The following ST6GALNAC3 variants were observed in gnomAD, a reference collection of about 807,000 sequenced individuals.
ST6GALNAC3 encodes the protein alpha-N-acetylgalactosaminide alpha-2,6-sialyltransferase 3.
A neutral mutation model predicts 32.7 loss-of-function variants in ST6GALNAC3; 25 were observed. The observed-to-expected ratio is 0.76, with a 90% CI of 0.56 to 1.07. The LOEUF (loss-of-function observed/expected upper bound fraction) is 1.07. Among genes scored for constraint, ST6GALNAC3 ranks in the 50% least tolerant of loss-of-function variants. The pLI, the probability that ST6GALNAC3 is intolerant of heterozygous loss-of-function variation, is 0.00. For synonymous variants in ST6GALNAC3, 129 were observed against 133.1 expected (o/e 0.97, Z 0.21); for missense variants, 355 against 382.4 (o/e 0.93, Z 0.60).
chr1:76,130,304 G>A (rs1649528605), intron 1 of ST6GALNAC3, among the ~76,000 whole-genome samples: 1 of 152,144 alleles, frequency 6.6e-6, no homozygotes, highest in South Asian at 2.1e-4. Flanking sequence ...TGTGGGGTAG[G>A]GTGGCTTGTA....
At chr1:76,145,852 G>A (rs973423944) in intron 1 of ST6GALNAC3, among the ~76,000 whole-genome samples, 4 of 152,176 alleles carry the variant, frequency 2.6e-5, no homozygotes, top group African/African-American at 9.6e-5. Context: ...AGAAATTTAT[G>A]TGTTTTTCTA....
chr1:76,431,785 G>A (rs755035117), intron 3 of ST6GALNAC3, among the ~76,000 whole-genome samples: 23 of 151,608 alleles, frequency 1.5e-4, no homozygotes, highest in Admixed American at 3.9e-4. Flanking sequence ...CATCCCCCCC[G>A]CCCAGAGTGG....
chr1:76,272,608 A>C (rs1658916018), intron 1 of ST6GALNAC3, among the ~76,000 whole-genome samples: 1 of 152,104 alleles, frequency 6.6e-6, no homozygotes, highest in African/African-American at 2.4e-5. Context: ...AGTGGATGCC[A>C]CCCATGTAGA....
intron 1 of ST6GALNAC3, among the ~76,000 whole-genome samples, chr1:76,286,491 A>G (rs938673565): frequency 6.6e-6 from 1 of 152,218 alleles, no homozygotes; most frequent in African/African-American, 2.4e-5. Flanking sequence ...CCAGTCTCCT[A>G]TAAATGCTAG....
intron 2 of ST6GALNAC3, among the ~76,000 whole-genome samples, chr1:76,316,067 CA>C (rs149103058): frequency 0.094 from 14,263 of 152,064 alleles, 752 homozygotes; most frequent in Middle Eastern, 0.16. Flanking sequence ...TTAAAAATCA[CA>C]AAGAGATACT....
chr1:76,091,330 G>A (rs139745812), intron 1 of ST6GALNAC3, among the ~76,000 whole-genome samples: 1 of 152,334 alleles, frequency 6.6e-6, no homozygotes, highest in African/African-American at 2.4e-5. Context: ...AACCTTTTGA[G>A]CCCTTAGATC....
chr1:76,289,332 T>TGATC (rs1331180952), intron 1 of ST6GALNAC3, among the ~76,000 whole-genome samples: 1 of 152,208 alleles, frequency 6.6e-6, no homozygotes, highest in Non-Finnish European at 1.5e-5. Context: ...GTCTGGGTTC[T>TGATC]GATCCCAGCC....
intron 3 of ST6GALNAC3, among the ~76,000 whole-genome samples, chr1:76,582,100 TA>T (rs1403334992): frequency 6.6e-6 from 1 of 152,198 alleles, no homozygotes. Context: ...CCAGTTTGAC[TA>T]GACCATTTTA....
intron 2 of ST6GALNAC3, among the ~76,000 whole-genome samples, chr1:76,376,681 GC>G (rs1326787479): frequency 6.6e-6 from 1 of 152,106 alleles, no homozygotes; most frequent in African/African-American, 2.4e-5. Context: ...TATCCACTCT[GC>G]ACTCCACAAA....
intron 3 of ST6GALNAC3, among the ~76,000 whole-genome samples, chr1:76,501,673 T>C (rs1661185632): frequency 6.6e-6 from 1 of 151,946 alleles, no homozygotes; most frequent in Admixed American, 6.6e-5. Flanking sequence ...TAAGGACACC[T>C]CAAAAGGAAG....
chr1:76,336,724 C>T (rs1271960104), intron 2 of ST6GALNAC3, among the ~76,000 whole-genome samples: 1 of 152,156 alleles, frequency 6.6e-6, no homozygotes, highest in Non-Finnish European at 1.5e-5. Context: ...CCTCTGTGGA[C>T]AGGAACTCCT....
intron 3 of ST6GALNAC3, chr1:76,576,717 T>C (rs1646814580): frequency 1.0e-5 from 7 of 678,540 alleles, no homozygotes; most frequent in Non-Finnish European, 1.6e-5. Context: ...GAGGAAAAGC[T>C]CTGGGGAGCC....
At chr1:76,376,132 T>C (rs1651209463) in intron 2 of ST6GALNAC3, among the ~76,000 whole-genome samples, 1 of 152,056 alleles carries the variant, frequency 6.6e-6, no homozygotes, top group African/African-American at 2.4e-5. Flanking sequence ...GAAAACATTT[T>C]ATTATGAGAT....
intron 3 of ST6GALNAC3, among the ~76,000 whole-genome samples, chr1:76,532,541 G>T (rs895329125): frequency 2.0e-5 from 3 of 152,008 alleles, no homozygotes; most frequent in Non-Finnish European, 2.9e-5. Context: ...CATAGAAATC[G>T]GGAGTGAAAA....
At chr1:76,090,487 T>C (rs926982474) in intron 1 of ST6GALNAC3, among the ~76,000 whole-genome samples, 2 of 152,246 alleles carry the variant, frequency 1.3e-5, no homozygotes, top group African/African-American at 4.8e-5. Flanking sequence ...TCTTCATTTG[T>C]CACTCTTTTA....
At position 76,206,920 on chromosome 1, in the gene ST6GALNAC3, G is replaced by A. The variant is rs1004725080; in HGVS notation, c.19-106885G>A. ...CACTTTTCGTCCCTCTAAATAGACA[G>A]ACAATATATCATGGAGAGGTGTTTC... On this transcript the variant is annotated intron_variant, in intron 1 of 4. Coordinates refer to ENST00000328299, the MANE Select transcript of ST6GALNAC3 (RefSeq NM_152996.4). 7.2e-5 allele frequency among the ~76,000 whole-genome samples: 11 copies of A among 152,280 alleles called. No individual in the cohort carries two copies. The East Asian group carries it at 1.9e-3, about 27-fold the overall frequency.
intron 2 of ST6GALNAC3, among the ~76,000 whole-genome samples, chr1:76,314,434 A>G (rs1336952309): frequency 6.6e-6 from 1 of 152,162 alleles, no homozygotes; most frequent in Non-Finnish European, 1.5e-5. Flanking sequence ...CTGGAGCTAG[A>G]AAAGGCCAAG....
At position 76,265,168 on chromosome 1, in the gene ST6GALNAC3, G is replaced by C. The variant is rs1658457708; in HGVS notation, c.19-48637G>C. Among the ~76,000 whole-genome samples the C allele has an allele frequency of 1.3e-5, 2 of 152,058 alleles. 1 individual carries two copies. The highest frequency in any genetic ancestry group is 4.1e-4 in the South Asian group (2 of 4,820). ...AGAGAAAAAAAGTCATTTTGGCTAG[G>C]GTAAGCACAGCTAAAGTTTGACACG... On this transcript the variant is annotated intron_variant, in intron 1 of 4. Transcript: ENST00000328299.
At chr1:76,582,512 T>C (rs1021257022) in intron 3 of ST6GALNAC3, among the ~76,000 whole-genome samples, 13 of 152,132 alleles carry the variant, frequency 8.5e-5, no homozygotes, top group African/African-American at 3.1e-4. Flanking sequence ...CATAGATATC[T>C]CTATAGAAGG....
Sources: allele counts gnomAD v4.1 joint callset (sites outside exome capture counted in the v4.1 genomes callset), GRCh38; gene constraint gnomAD v4.1.1; transcripts MANE v1.5; gene names NCBI Gene and HGNC (gene_info 2026-07-23, HGNC 2026-07-21).